The following CTNNA2 variants were observed in gnomAD, a reference collection of about 807,000 sequenced individuals.
The protein encoded by CTNNA2 is catenin alpha 2, also known as catenin alpha-2.
A neutral mutation model predicts 101.0 loss-of-function variants in CTNNA2; 42 were observed. The observed-to-expected ratio is 0.42, with a 90% confidence interval of 0.32 to 0.54. The LOEUF is 0.54. Ranked by LOEUF, CTNNA2 falls within the 20% of genes least tolerant of loss-of-function variation. CTNNA2 has a pLI of 0.14. For synonymous variants in CTNNA2, 450 were observed against 456.4 expected, an observed-to-expected ratio of 0.99 and a Z score of 0.18; for missense variants, 871 against 1,223.1, an observed-to-expected ratio of 0.71 and a Z score of 4.29.
chr2:79,324,416 GT>G (rs1470249387), intron 3 of CTNNA2, among the ~76,000 whole-genome samples: 1 of 152,184 alleles, frequency 6.6e-6, no homozygotes, highest in African/African-American at 2.4e-5. Flanking sequence ...TGGCCCTGGA[GT>G]GGGAGGTGTG....
rs1350638722 is a variant in CTNNA2, at chr2:79,451,903, C to A, written c.-134-53151C>A. On this transcript the variant is annotated intron_variant, in intron 4 of 21. Coordinates refer to the CTNNA2 transcript ENST00000466387. ...AACTGTACAATCCAAACTAGCACAA[C>A]TATTTTTCAATGAACAACATCTAGA... Among the ~76,000 whole-genome samples, 3 of 151,978 alleles carry A rather than the reference C, an allele frequency of 2.0e-5. No homozygotes were observed. The East Asian group carries it at 5.8e-4, about 29-fold the overall frequency.
rs184590932 is a variant in CTNNA2 at position 80,543,478 on chromosome 2, A to G, written c.1291-1504A>G. The stretch of plus-strand genomic sequence containing the variant: ...GAATTCACTTGTCATAATTTCTCCT[A>G]GTACATTTTCTCACTGAAATAGCTA... On this transcript the variant is annotated intron_variant, in intron 9 of 18. Transcript: ENST00000402739. Among the ~76,000 whole-genome samples, 136 of 152,322 alleles carry G rather than the reference A, an allele frequency of 8.9e-4. 1 individual carries two copies. The highest frequency in any genetic ancestry group is 1.0e-3 in the Admixed American group (16 of 15,306).
intron 7 of CTNNA2, among the ~76,000 whole-genome samples, chr2:80,098,514 C>G (rs1310869239): frequency 6.6e-6 from 1 of 152,184 alleles, no homozygotes; most frequent in Non-Finnish European, 1.5e-5. Flanking sequence ...GTTGGGAGAA[C>G]CACTACTCTC....
chr2:80,200,842 G>T (rs926622510), intron 7 of CTNNA2, among the ~76,000 whole-genome samples: 1 of 150,206 alleles, frequency 6.7e-6, no homozygotes, highest in African/African-American at 2.5e-5. Flanking sequence ...CTGTGAGTGA[G>T]TGTTTTTGCC....
chr2:79,409,209 A>G (rs1431098327), intron 4 of CTNNA2, among the ~76,000 whole-genome samples: 16 of 152,212 alleles, frequency 1.1e-4, no homozygotes, highest in Non-Finnish European at 2.1e-4. Context: ...GCCCTTTGTC[A>G]GATGAGTAGA....
chr2:80,138,237 T>G (rs192285465), intron 7 of CTNNA2, among the ~76,000 whole-genome samples: 1 of 152,240 alleles, frequency 6.6e-6, no homozygotes, highest in Admixed American at 6.5e-5. Context: ...TCCTTTAGTG[T>G]TGCCTGATCA....
intron 2 of CTNNA2, among the ~76,000 whole-genome samples, chr2:79,737,880 G>A (rs1294504642): frequency 6.6e-6 from 1 of 152,174 alleles, no homozygotes; most frequent in Non-Finnish European, 1.5e-5. Context: ...AAGACAAAGT[G>A]CCTTGATGCC....
chr2:79,287,329 C>T (rs1219503653), intron 2 of CTNNA2, among the ~76,000 whole-genome samples: 1 of 152,198 alleles, frequency 6.6e-6, no homozygotes, highest in East Asian at 1.9e-4. Flanking sequence ...AGGAGAGTCG[C>T]TCTGCTTTTT....
intron 1 of CTNNA2, among the ~76,000 whole-genome samples, chr2:79,617,565 G>A (rs1051426158): frequency 1.3e-5 from 2 of 152,060 alleles, no homozygotes; most frequent in African/African-American, 4.8e-5. Flanking sequence ...TTAATATACA[G>A]CTATGTCTGA....
intron 9 of CTNNA2, among the ~76,000 whole-genome samples, chr2:80,477,727 ATG>A (rs35938297): frequency 0.21 from 29,720 of 143,208 alleles, 3,235 homozygotes; most frequent in East Asian, 0.52. Flanking sequence ...CATGGTGTGA[ATG>A]TGTGTGTGTG....
intron 6 of CTNNA2, among the ~76,000 whole-genome samples, chr2:79,890,874 A>T (rs1035884280): frequency 7.1e-6 from 1 of 140,072 alleles, no homozygotes; most frequent in African/African-American, 2.6e-5. Context: ...TTCAAAGGTG[A>T]TGCCTTCTTA....
chr2:80,619,513 T>G (rs913090619), intron 18 of CTNNA2, among the ~76,000 whole-genome samples: 1 of 151,958 alleles, frequency 6.6e-6, no homozygotes. Context: ...ATATGTGGAA[T>G]GAATCCATTC....
chr2:79,449,628 T>C (rs1329226280), intron 4 of CTNNA2, among the ~76,000 whole-genome samples: 2 of 152,100 alleles, frequency 1.3e-5, no homozygotes, highest in African/African-American at 4.8e-5. Context: ...CTCTGTTTTT[T>C]ATGTGTTTTT....
intron 5 of CTNNA2, among the ~76,000 whole-genome samples, chr2:79,507,858 A>G (rs369334127): frequency 6.6e-6 from 1 of 152,180 alleles, no homozygotes; most frequent in Non-Finnish European, 1.5e-5. Flanking sequence ...CTTCATGCAC[A>G]TTATTGTTTT....
At chr2:80,155,257 T>C (rs571420840) in intron 7 of CTNNA2, among the ~76,000 whole-genome samples, 6 of 152,328 alleles carry the variant, frequency 3.9e-5, no homozygotes, top group African/African-American at 1.2e-4. Context: ...ACTGCTGAAG[T>C]AAAACTTTTC....
intron 7 of CTNNA2, among the ~76,000 whole-genome samples, chr2:80,005,452 AG>A (rs1693268327): frequency 6.6e-6 from 1 of 152,156 alleles, no homozygotes; most frequent in Non-Finnish European, 1.5e-5. Flanking sequence ...AGACAACTTA[AG>A]GGGAAAAAAA....
chr2:79,440,410 G>A lies in CTNNA2; in HGVS notation c.-134-64644G>A, dbSNP rs537068038. On this transcript the variant is annotated intron_variant, in intron 4 of 21. Coordinates refer to the CTNNA2 transcript ENST00000466387. ...TTGGCCATTGCTGTGTGGTGATTCA[G>A]TATTTTACTGGCCCTTTGGTAAAAG... Among the ~76,000 whole-genome samples the A allele has an allele frequency of 1.2e-4, 18 of 152,196 alleles. No homozygotes were observed. In the South Asian group the frequency reaches 3.7e-3, roughly 32 times the overall value.
At chr2:80,058,512 T>C (rs1697372133) in intron 7 of CTNNA2, among the ~76,000 whole-genome samples, 2 of 152,214 alleles carry the variant, frequency 1.3e-5, no homozygotes, top group South Asian at 4.1e-4. Context: ...GAGAAACTTT[T>C]AAAATGATTT....
intron 3 of CTNNA2, among the ~76,000 whole-genome samples, chr2:79,370,987 C>T (rs541981122): frequency 6.6e-6 from 1 of 152,184 alleles, no homozygotes; most frequent in South Asian, 2.1e-4. Flanking sequence ...CTCAGCAGGA[C>T]CCAGGTCATG....
Sources: allele counts gnomAD v4.1 joint callset (sites outside exome capture counted in the v4.1 genomes callset), GRCh38; gene constraint gnomAD v4.1.1; transcripts MANE v1.5; gene names NCBI Gene and HGNC (gene_info 2026-07-23, HGNC 2026-07-21).